SORCS3: variants seen among roughly 807,000 people sequenced by gnomAD.
SORCS3 encodes the protein VPS10 domain-containing receptor SorCS3.
In SORCS3, 57 loss-of-function variants were observed where a neutral mutation model predicts 146.3. The observed-to-expected ratio is 0.39, with a 90% CI of 0.31 to 0.49. The LOEUF is 0.49. SORCS3 is among the 20% of genes least tolerant of loss of function. The pLI is 0.92. For missense variants in SORCS3, 1,341 were observed against 1,575.5 expected (o/e 0.85, Z 2.52); for synonymous variants, 653 against 618.5 (o/e 1.06, Z -0.83).
intron 1 of SORCS3, among the ~76,000 whole-genome samples, chr10:104,643,935 G>A (rs1423083101): frequency 6.6e-6 from 1 of 152,154 alleles, no homozygotes; most frequent in Non-Finnish European, 1.5e-5. Flanking sequence ...TTATTTTTGA[G>A]TATTTACAAA....
At chr10:105,113,665 G>A (rs1000006720) in intron 7 of SORCS3, among the ~76,000 whole-genome samples, 4 of 152,184 alleles carry the variant, frequency 2.6e-5, no homozygotes, top group African/African-American at 9.7e-5. Context: ...GGAGGTAAAG[G>A]TAGCCATCCT....
chr10:104,914,953 G>T (rs1188272546), intron 2 of SORCS3, among the ~76,000 whole-genome samples: 1 of 151,870 alleles, frequency 6.6e-6, no homozygotes, highest in Non-Finnish European at 1.5e-5. Flanking sequence ...ACGGGAAGAG[G>T]AGGTGAGAAC....
chr10:104,722,814 C>T lies in SORCS3; in HGVS notation c.627+80860C>T, dbSNP rs529150713. On this transcript the variant is annotated intron_variant, in intron 1 of 26. Coordinates refer to ENST00000369701, the MANE Select transcript of SORCS3 (RefSeq NM_014978.3). ...ATGGTAGTTTGTATTTCTGTGGGAT[C>T]GGTGGTGATATCCCCTTTATCATTT... Among the ~76,000 whole-genome samples, 330 of 152,188 alleles carry T rather than the reference C, an allele frequency of 2.2e-3. 1 individual carries two copies. The highest frequency in any genetic ancestry group is 7.5e-3 in the African/African-American group (313 of 41,518).
chr10:104,889,743 G>C (rs1370584935), intron 2 of SORCS3, among the ~76,000 whole-genome samples: 1 of 151,988 alleles, frequency 6.6e-6, no homozygotes, highest in Non-Finnish European at 1.5e-5. Flanking sequence ...ATTCTTGAAA[G>C]ATATTTGAAT....
chr10:104,686,334 G>T (rs1025427990), intron 1 of SORCS3, among the ~76,000 whole-genome samples: 2 of 152,092 alleles, frequency 1.3e-5, no homozygotes, highest in African/African-American at 2.4e-5. Flanking sequence ...GTGGTGACCA[G>T]CTGGGGCATG....
chr10:104,691,039 G>A (rs1156290296), intron 1 of SORCS3, among the ~76,000 whole-genome samples: 1 of 152,238 alleles, frequency 6.6e-6, no homozygotes, highest in African/African-American at 2.4e-5. Flanking sequence ...CAGTGTCCAG[G>A]GGGATGGGCT....
intron 20 of SORCS3, among the ~76,000 whole-genome samples, chr10:105,243,782 C>A (rs2056850445): frequency 6.6e-6 from 1 of 152,154 alleles, no homozygotes; most frequent in African/African-American, 2.4e-5. Flanking sequence ...CGTCATAAAA[C>A]AGAGCTATAG....
chr10:105,136,784 A>G (rs2056061557), intron 7 of SORCS3, among the ~76,000 whole-genome samples: 1 of 152,178 alleles, frequency 6.6e-6, no homozygotes, highest in Admixed American at 6.5e-5. Flanking sequence ...TCTCTGGGAG[A>G]TACTACAGTA....
chr10:105,112,903 G>A (rs964115807), intron 7 of SORCS3, among the ~76,000 whole-genome samples: 1 of 152,088 alleles, frequency 6.6e-6, no homozygotes, highest in Non-Finnish European at 1.5e-5. Flanking sequence ...TAAAAGTATT[G>A]ATGTCTTATA....
chr10:105,181,169 A>C (rs957538594), intron 14 of SORCS3, among the ~76,000 whole-genome samples: 1 of 152,254 alleles, frequency 6.6e-6, no homozygotes, highest in African/African-American at 2.4e-5. Flanking sequence ...TGTACTGGAT[A>C]AATGAATTAT....
chr10:104,748,017 C>T (rs2016931139), intron 1 of SORCS3, among the ~76,000 whole-genome samples: 1 of 152,212 alleles, frequency 6.6e-6, no homozygotes, highest in African/African-American at 2.4e-5. Flanking sequence ...TGAGTTAATG[C>T]GTGTAAATGC....
At chr10:104,748,579 G>A (rs1018682210) in intron 1 of SORCS3, among the ~76,000 whole-genome samples, 3 of 152,178 alleles carry the variant, frequency 2.0e-5, no homozygotes, top group Middle Eastern at 3.2e-3. Flanking sequence ...CCTGCTGGGT[G>A]CAGTGGCTCA....
chr10:104,838,038 C>A (rs568115094), intron 1 of SORCS3, among the ~76,000 whole-genome samples: 99 of 152,260 alleles, frequency 6.5e-4, no homozygotes, highest in African/African-American at 2.3e-3. Context: ...TTATATAATA[C>A]CTGCTCTGTT....
intron 3 of SORCS3, among the ~76,000 whole-genome samples, chr10:104,965,681 T>C (rs1276128442): frequency 6.6e-6 from 1 of 152,226 alleles, no homozygotes; most frequent in East Asian, 1.9e-4. Flanking sequence ...TGATTAGTGA[T>C]TTTGAACATC....
Position 105,265,181 on chromosome 10 carries a change from T to C in SORCS3, c.*1807T>C, listed in dbSNP as rs765979024. On this transcript the variant is annotated 3_prime_UTR_variant, in exon 27 of 27. Transcript: ENST00000369701. ...TTGTTCCACTTGAATATTTCTACTG[T>C]AAAAAAAAGACAGTGGTTTTGAAAT... 2 of 152,422 alleles carry C rather than the reference T, an allele frequency of 1.3e-5. No homozygotes were observed. The highest frequency in any genetic ancestry group is 2.9e-5 in the Non-Finnish European group (2 of 67,966). 9.4% of individuals were successfully genotyped at this position (152,422 alleles called of 1,614,324 possible).
intron 4 of SORCS3, among the ~76,000 whole-genome samples, chr10:105,033,679 A>T (rs1589602716): frequency 6.6e-6 from 1 of 152,302 alleles, no homozygotes; most frequent in East Asian, 1.9e-4. Flanking sequence ...CTGTTATTAG[A>T]AGCTAGTTGG....
Position 105,200,078 on chromosome 10 carries a change from A to G in SORCS3, c.2089A>G (p.Thr697Ala). 1.2e-6 allele frequency: 2 copies of G among 1,613,690 alleles called. No homozygotes were observed. Among genetic ancestry groups the G allele is most frequent in the Non-Finnish European group, 1.7e-6 (2 of 1,179,686 alleles). ...DYKSIFSRHC[T>A]KEDYQTWHLL... is the part of the protein sequence containing the mutation. ...CAAATCTATCTTCAGCCGGCATTGCACCAAGGAGGACTATCAGACCTGGCA... is the reference window on the plus strand; with the variant it reads ...CAAATCTATCTTCAGCCGGCATTGCGCCAAGGAGGACTATCAGACCTGGCA... The change falls in exon 15 of 27, where the codon ACC (threonine) becomes GCC (alanine). Residue 697 changes from threonine (T) to alanine (A), a missense_variant. Transcript: ENST00000369701.
chr10:104,945,765 T>G (rs919995982), intron 3 of SORCS3, among the ~76,000 whole-genome samples: 1 of 147,532 alleles, frequency 6.8e-6, no homozygotes, highest in Non-Finnish European at 1.5e-5. Flanking sequence ...AAATTAAGCA[T>G]GCACACACAT....
At chr10:104,642,101 C>T in intron 1 of SORCS3, 147 bp downstream of exon 1, 1 of 939,768 alleles carries the variant, frequency 1.1e-6, no homozygotes, top group East Asian at 2.7e-5. Flanking sequence ...GTCCGATTCC[C>T]CCCACGCCCC....
Sources: allele counts gnomAD v4.1 joint callset (sites outside exome capture counted in the v4.1 genomes callset), GRCh38; gene constraint gnomAD v4.1.1; transcripts MANE v1.5; gene names NCBI Gene and HGNC (gene_info 2026-07-23, HGNC 2026-07-21).